The following RASEF variants were observed in gnomAD, a reference collection of about 807,000 sequenced individuals.
RASEF encodes the protein ras and EF-hand domain-containing protein.
In RASEF, 68 loss-of-function variants were observed where a neutral mutation model predicts 90.1. The observed-to-expected ratio is 0.75, with a 90% confidence interval of 0.62 to 0.92. The LOEUF (loss-of-function observed/expected upper bound fraction) is 0.92, where lower values mean the gene tolerates loss of function less well. Among genes scored for constraint, RASEF ranks in the 40% least tolerant of loss-of-function variants. The pLI is 0.00. For synonymous variants in RASEF, 331 were observed against 345.2 expected, an observed-to-expected ratio of 0.96 and a Z score of 0.46; for missense variants, 949 against 937.2, an observed-to-expected ratio of 1.01 and a Z score of -0.16.
chr9:83,122,135 G>A, the RASEF span, among the ~76,000 whole-genome samples: 1 of 152,164 alleles, frequency 6.6e-6, no homozygotes, highest in South Asian at 2.1e-4. Flanking sequence ...GTGGCTCCTT[G>A]TACAAGAGCC....
At chr9:83,188,857 C>A in the RASEF span, among the ~76,000 whole-genome samples, 1 of 152,184 alleles carries the variant, frequency 6.6e-6, no homozygotes, top group South Asian at 2.1e-4. Flanking sequence ...TCAACCACAG[C>A]TCAAGGTCTT....
chr9:83,197,131 T>G, the RASEF span, among the ~76,000 whole-genome samples: 1 of 152,056 alleles, frequency 6.6e-6, no homozygotes, highest in Non-Finnish European at 1.5e-5. Context: ...ATCACAGGAG[T>G]CAATTCACCA....
At chr9:83,179,443 A>G in the RASEF span, among the ~76,000 whole-genome samples, 13 of 152,110 alleles carry the variant, frequency 8.5e-5, no homozygotes, top group Non-Finnish European at 1.3e-4. Flanking sequence ...CCTTTTACAC[A>G]CTATTTATTT....
At chr9:83,001,182 A>G (rs763260357) in intron 9 of RASEF, 52 bp from the exon 10 acceptor site, 1 of 1,330,524 alleles carries the variant, frequency 7.5e-7, no homozygotes, top group Non-Finnish European at 1.1e-6. Context: ...ATGCTCAAGA[A>G]CATACAGGCA....
At chr9:83,132,795 T>C in the RASEF span, among the ~76,000 whole-genome samples, 1 of 152,336 alleles carries the variant, frequency 6.6e-6, no homozygotes, top group East Asian at 1.9e-4. Flanking sequence ...TCTCTTCTCA[T>C]TTGTAGATTT....
the RASEF span, among the ~76,000 whole-genome samples, chr9:83,157,696 T>C: frequency 1.3e-5 from 2 of 152,342 alleles, no homozygotes; most frequent in East Asian, 3.8e-4. Flanking sequence ...TATTATTTGA[T>C]AATATAGTTT....
the RASEF span, among the ~76,000 whole-genome samples, chr9:83,212,038 A>ATG: frequency 2.5e-3 from 375 of 151,512 alleles, 1 homozygote; most frequent in African/African-American, 8.1e-3. Flanking sequence ...GTGTGGGTGT[A>ATG]TGTGTGTGTG....
At chr9:83,026,529 G>C (rs1015892669) in intron 1 of RASEF, among the ~76,000 whole-genome samples, 9 of 152,156 alleles carry the variant, frequency 5.9e-5, no homozygotes, top group African/African-American at 2.2e-4. Context: ...TAAACCATCA[G>C]ATCTCCTGAG....
At chr9:83,041,009 C>T (rs143155515) in intron 1 of RASEF, among the ~76,000 whole-genome samples, 278 of 152,248 alleles carry the variant, frequency 1.8e-3, no homozygotes, top group Non-Finnish European at 3.0e-3. Flanking sequence ...TACAGGCACG[C>T]GCCACCATGC....
the RASEF span, among the ~76,000 whole-genome samples, chr9:83,164,347 G>GTGTGTATATATATATATATATA: frequency 5.9e-3 from 761 of 129,698 alleles, 11 homozygotes; most frequent in South Asian, 0.014. Flanking sequence ...GTATATGTGT[G>GTGTGTATATATATATATATATA]TATATATATA....
chr9:83,173,076 T>C, the RASEF span, among the ~76,000 whole-genome samples: 1 of 151,998 alleles, frequency 6.6e-6, no homozygotes, highest in African/African-American at 2.4e-5. Context: ...CCTAATTTCT[T>C]CTGGCCTGTA....
the RASEF span, among the ~76,000 whole-genome samples, chr9:83,138,312 C>G: frequency 1.3e-5 from 2 of 152,078 alleles, no homozygotes; most frequent in African/African-American, 4.8e-5. Context: ...AATTCTTAGC[C>G]ACAACATAAC....
At chr9:83,065,888 G>A (rs1359677919), upstream of RASEF, among the ~76,000 whole-genome samples, 2 of 152,146 alleles carry the variant, frequency 1.3e-5, no homozygotes, top group Non-Finnish European at 2.9e-5. Context: ...CCTCTAGTAG[G>A]TAGCTGCAGG....
chr9:83,022,519 A>G, intron 2 of RASEF, 93 bp from the exon 3 acceptor site: 1 of 866,180 alleles, frequency 1.2e-6, no homozygotes, highest in African/African-American at 1.7e-5. Context: ...AGCCCTATAT[A>G]TTACAGATGA....
At chr9:83,216,509 C>T in the RASEF span, among the ~76,000 whole-genome samples, 1 of 152,130 alleles carries the variant, frequency 6.6e-6, no homozygotes, top group African/African-American at 2.4e-5. Flanking sequence ...TGCGGGTACA[C>T]AAAAGCCAAG....
chr9:83,199,224 T>TAAAA, the RASEF span, among the ~76,000 whole-genome samples: 1 of 118,654 alleles, frequency 8.4e-6, no homozygotes, highest in Non-Finnish European at 1.7e-5. Context: ...AGCCCTAATT[T>TAAAA]AAAAAAAAAA....
At chr9:83,161,318 C>G in the RASEF span, among the ~76,000 whole-genome samples, 1 of 152,202 alleles carries the variant, frequency 6.6e-6, no homozygotes, top group African/African-American at 2.4e-5. Flanking sequence ...GGGAACCCAC[C>G]TCTCGGATCA....
chr9:83,076,688 G>C, the RASEF span, among the ~76,000 whole-genome samples: 13 of 152,278 alleles, frequency 8.5e-5, no homozygotes, highest in African/African-American at 2.9e-4. Flanking sequence ...AAAAGGCCCA[G>C]AGTGCCCTAT....
At chr9:83,016,626 A>G (rs1309759810) in intron 3 of RASEF, among the ~76,000 whole-genome samples, 11 of 152,166 alleles carry the variant, frequency 7.2e-5, no homozygotes, top group African/African-American at 1.4e-4. Flanking sequence ...GACTGGGGAC[A>G]TGGGGACAGA....
Sources: gnomAD v4.1 joint callset for allele counts (sites outside exome capture counted in the v4.1 genomes callset) on GRCh38, gnomAD v4.1.1 for gene constraint, MANE v1.5 for transcripts, NCBI Gene and HGNC (gene_info 2026-07-23, HGNC 2026-07-21) for gene names.